KNSTRN: variants seen among roughly 807,000 people sequenced by gnomAD.
The protein encoded by KNSTRN is small kinetochore-associated protein.
A neutral mutation model predicts 44.7 loss-of-function variants in KNSTRN; 38 were observed. The observed-to-expected ratio is 0.85, with a 90% CI of 0.66 to 1.11. The LOEUF is 1.11. Among genes scored for constraint, KNSTRN ranks in the 50% most tolerant of loss-of-function variants. The pLI is 0.00. For synonymous variants in KNSTRN, 158 were observed against 148.1 expected, an observed-to-expected ratio of 1.07 and a Z score of -0.48; for missense variants, 406 against 375.8, an observed-to-expected ratio of 1.08 and a Z score of -0.66.
At chr15:40,391,770 T>G (rs1646575967) in intron 7 of KNSTRN, 179 bp from the exon 8 acceptor site, 1 of 665,242 alleles carries the variant, frequency 1.5e-6, no homozygotes, top group Admixed American at 3.1e-5. Flanking sequence ...AATTGAAAAT[T>G]TAAAACACAT....
At position 40,382,784 on chromosome 15, in the gene KNSTRN, A is replaced by G; in HGVS notation, c.-52A>G. On this transcript the variant is annotated 5_prime_UTR_variant, in exon 1 of 9. Transcript: ENST00000249776. ...TCCTCTGCCCAGACCTGGGGGCTCC[A>G]ACACCTTTCGCTAGGTCTGGCTCTG... 1.9e-6 allele frequency: 3 copies of G among 1,541,092 alleles called. No homozygotes were observed. Among genetic ancestry groups the G allele is most frequent in the East Asian group, 2.4e-5 (1 of 42,446 alleles).
intron 5 of KNSTRN, 35 bp from the exon 6 acceptor site, chr15:40,389,801 A>G: frequency 6.3e-7 from 1 of 1,595,800 alleles, no homozygotes; most frequent in African/African-American, 1.3e-5. Context: ...AGGGAGTTGG[A>G]CAATTCCTGA....
chr15:40,386,227 A>G lies in KNSTRN; in HGVS notation c.305-135A>G, dbSNP rs558379992. 646 of 975,666 alleles carry G rather than the reference A, an allele frequency of 6.6e-4. 16 individuals carry two copies. The South Asian group carries it at 0.011, about 16-fold the overall frequency. 60.4% of individuals were successfully genotyped at this position (975,666 alleles called of 1,614,324 possible). ...GGGCCACAGAGCAAGACTCTGTCTC[A>G]AAAAAATAAATAATACTTTTTAAAA... On this transcript the variant is annotated intron_variant, in intron 2 of 8. Coordinates refer to ENST00000249776, the MANE Select transcript of KNSTRN (RefSeq NM_033286.4).
chr15:40,387,860 T>C (rs8034859), intron 4 of KNSTRN, among the ~76,000 whole-genome samples: 47,809 of 151,622 alleles, frequency 0.32, 8,233 homozygotes, highest in East Asian at 0.67. Context: ...ATACAAAAAT[T>C]AGCCAGGCAT....
rs1889838947 is a variant in KNSTRN, at chr15:40,383,033, G to A, written c.198G>A (p.Arg66=). The A allele has an allele frequency of 2.5e-6, 4 of 1,610,708 alleles. No individual in the cohort carries two copies. Among genetic ancestry groups the A allele is most frequent in the Non-Finnish European group, 2.5e-6 (3 of 1,179,988 alleles). The stretch of plus-strand genomic sequence containing the variant: ...GCGAGAAGGACTGCGGGCAGGACCG[G>A]CGGGCTCCTGGGTTCGGCTCTCCCG... ...NESEKDCGQD[R]RAPGVQPCRL... The change falls in exon 1 of 9, where the codon CGG becomes CGA. Residue 66 remains arginine, a synonymous_variant. Transcript: ENST00000249776.
chr15:40,389,697 C>T, intron 5 of KNSTRN, 86 bp downstream of exon 5: 1 of 1,285,240 alleles, frequency 7.8e-7, no homozygotes, highest in Non-Finnish European at 1.1e-6. Context: ...GATGAGCAAG[C>T]TTGTTAATGC....
In KNSTRN at chr15:40,386,398, C is replaced by T. The variant is rs1340440148; in HGVS notation, c.341C>T (p.Pro114Leu). The change falls in exon 3 of 9, where the codon CCT becomes CTT. Residue 114 changes from proline to leucine, a missense_variant. Transcript: ENST00000249776. ...QTRATSKSLL[P>L]VRSKEVDVSK... The stretch of plus-strand genomic sequence containing the variant: ...CGGGCCACTTCTAAGAGTCTCTTAC[C>T]TGTTAGGTCCAAAGAAGTCGATGTT... 1.2e-6 allele frequency: 2 copies of T among 1,613,992 alleles called. No individual in the cohort carries two copies. Among genetic ancestry groups the T allele is most frequent in the African/African-American group, 2.7e-5 (2 of 74,892 alleles).
chr15:40,384,796 C>T (rs7176592), intron 2 of KNSTRN: 23,619 of 164,156 alleles, frequency 0.14, 1,913 homozygotes, highest in African/African-American at 0.18. Flanking sequence ...TCCTTCCCTT[C>T]CTTGACACCA....
chr15:40,383,410 G>A (rs1203024802), intron 2 of KNSTRN, 88 bp downstream of exon 2: 3 of 1,000,362 alleles, frequency 3.0e-6, no homozygotes, highest in Admixed American at 4.4e-5. Context: ...CGCGGGCACG[G>A]GGAAGGGCGT....
chr15:40,392,800 A>G (rs1253301449), intron 8 of KNSTRN, among the ~76,000 whole-genome samples: 1 of 151,062 alleles, frequency 6.6e-6, no homozygotes, highest in Admixed American at 6.6e-5. Flanking sequence ...TAGTAGAGAC[A>G]GGGTTTCACT....
intron 2 of KNSTRN, among the ~76,000 whole-genome samples, chr15:40,385,280 T>G (rs1167809400): frequency 6.6e-6 from 1 of 152,192 alleles, no homozygotes; most frequent in Non-Finnish European, 1.5e-5. Flanking sequence ...AATGATAGAT[T>G]GTGTGGTTGC....
At chr15:40,386,763 C>A (rs1032160041) in intron 3 of KNSTRN, 12 of 516,826 alleles carry the variant, frequency 2.3e-5, no homozygotes, top group Non-Finnish European at 4.2e-5. Context: ...AGTCATACAG[C>A]AACCCTGAGG....
At position 40,383,091 on chromosome 15, in the gene KNSTRN, C is replaced by T. The variant is rs1889840709; in HGVS notation, c.209+47C>T. 4.4e-6 allele frequency: 7 copies of T among 1,599,150 alleles called. No homozygotes were observed. In the East Asian group the frequency reaches 1.3e-4, roughly 31 times the overall value. On this transcript the variant is annotated intron_variant, in intron 1 of 8. Transcript: ENST00000249776. ...GGACTGGGCTGGATGGGAGGAAGGA[C>T]GGAATGAGCTGGGAAAGGAGGATTT...
Position 40,393,691 on chromosome 15 carries a change from A to G in KNSTRN, c.*94A>G. 8.7e-7 allele frequency: 1 copy of G among 1,148,362 alleles called. No homozygotes were observed. The highest frequency in any genetic ancestry group is 1.2e-6 in the Non-Finnish European group (1 of 801,726). The allele number at this position is 1,148,362 out of a possible 1,614,324, so 71.1% of individuals were successfully genotyped here. On this transcript the variant is annotated 3_prime_UTR_variant, in exon 9 of 9. Transcript: ENST00000249776. ...TCTTGGCCATGATCTTCTGGGACTC[A>G]CCATCTCCAGAATGAAAACAATTTC... is the stretch of plus-strand genomic sequence containing the variant.
In KNSTRN at chr15:40,389,820, T is replaced by C. The variant is rs1033938913; in HGVS notation, c.592-16T>C. The C allele has an allele frequency of 1.4e-5, 22 of 1,611,304 alleles. No homozygotes were observed. The highest frequency in any genetic ancestry group is 1.8e-5 in the Non-Finnish European group (21 of 1,177,450). On this transcript the variant is annotated splice_polypyrimidine_tract_variant and intron_variant, in intron 5 of 8. Transcript: ENST00000249776. ...AGTTGGACAATTCCTGATCTGTCTG[T>C]GCTGTGCTCCAATAGGGAGAGCTGA...
At chr15:40,387,281 C>T (rs1163010788) in intron 4 of KNSTRN, 75 bp downstream of exon 4, 3 of 1,211,334 alleles carry the variant, frequency 2.5e-6, no homozygotes, top group Non-Finnish European at 3.7e-6. Flanking sequence ...GCATCAGAAT[C>T]ATTTGTGGGA....
intron 4 of KNSTRN, among the ~76,000 whole-genome samples, chr15:40,387,573 G>A (rs968244607): frequency 1.3e-5 from 2 of 152,076 alleles, no homozygotes; most frequent in African/African-American, 4.8e-5. Context: ...TGGTGGTGGT[G>A]GTGAAAACCT....
In KNSTRN at chr15:40,391,550, C is replaced by G. The variant is rs948275677; in HGVS notation, c.743C>G (p.Ser248Cys). The change falls in exon 7 of 9, where the codon TCT becomes TGT. Residue 248 changes from serine (S) to cysteine (C), a missense_variant. Coordinates refer to ENST00000249776, the MANE Select transcript of KNSTRN (RefSeq NM_033286.4). The stretch of plus-strand genomic sequence containing the variant: ...GAATCCACTACTGATCACATGGACT[C>G]TATGGTGAGGGCATGGGTGTGAAAG... Reference protein sequence around the residue: ...RQESTTDHMDSMLLLETLQEE... With the variant: ...RQESTTDHMDCMLLLETLQEE... The G allele has an allele frequency of 1.9e-6, 3 of 1,613,626 alleles. No individual in the cohort carries two copies. The South Asian group carries it at 3.3e-5, about 18-fold the overall frequency.
chr15:40,390,392 C>T (rs1262132084), intron 6 of KNSTRN, among the ~76,000 whole-genome samples: 1 of 152,180 alleles, frequency 6.6e-6, no homozygotes, highest in Non-Finnish European at 1.5e-5. Flanking sequence ...GGTTAATCAT[C>T]AGAATTACAG....
Sources: allele counts gnomAD v4.1 joint callset (sites outside exome capture counted in the v4.1 genomes callset), GRCh38; gene constraint gnomAD v4.1.1; transcripts MANE v1.5; gene names NCBI Gene and HGNC (gene_info 2026-07-23, HGNC 2026-07-21).